The following EIF3B variants were observed in gnomAD, a reference collection of about 807,000 sequenced individuals.
The protein encoded by EIF3B is eukaryotic translation initiation factor 3 subunit 9.
In EIF3B, 10 loss-of-function variants were observed where a neutral mutation model predicts 104.6. The ratio of observed to expected loss-of-function variants is 0.10; its 90% CI spans 0.06 to 0.16. EIF3B has a LOEUF of 0.16. Ranked by LOEUF, EIF3B falls within the 10% of genes least tolerant of loss-of-function variation. EIF3B has a pLI of 1.00. For missense variants in EIF3B, 1,014 were observed against 1,087.9 expected (o/e 0.93, Z 0.96); for synonymous variants, 542 against 417.2 (o/e 1.30, Z -3.65).
chr7:2,370,320 T>C (rs577564224), intron 10 of EIF3B, among the ~76,000 whole-genome samples: 1 of 151,786 alleles, frequency 6.6e-6, no homozygotes, highest in Admixed American at 6.6e-5. Flanking sequence ...CTACTAAAAG[T>C]ACAATAATTA....
At chr7:2,375,666 G>A (rs1206984300) in intron 14 of EIF3B, 139 bp downstream of exon 14, 4 of 1,278,716 alleles carry the variant, frequency 3.1e-6, no homozygotes, top group East Asian at 2.4e-5. Context: ...GCTGGTGTTA[G>A]TGGCAGGAGG....
chr7:2,364,608 A>G, intron 6 of EIF3B, 79 bp downstream of exon 6: 1 of 1,356,244 alleles, frequency 7.4e-7, no homozygotes, highest in Non-Finnish European at 1.0e-6. Flanking sequence ...TTCATTTTGT[A>G]GCATTTCAAA....
rs1240624981 is a variant in EIF3B, at chr7:2,380,207, A to G, written c.*18A>G. On this transcript the variant is annotated 3_prime_UTR_variant, in exon 19 of 19. Transcript: ENST00000360876. ...GCCGCCATGCCTGTCTATCCAGGGGACGGACTCCGCCTGCTGTTCCCGCGC... is the reference window on the plus strand; with the variant it reads ...GCCGCCATGCCTGTCTATCCAGGGGGCGGACTCCGCCTGCTGTTCCCGCGC... The G allele has an allele frequency of 1.1e-5, 4 of 365,116 alleles. No homozygotes were observed. Among genetic ancestry groups the G allele is most frequent in the African/African-American group, 4.3e-5 (2 of 46,980 alleles). The allele number at this position is 365,116 out of a possible 1,614,324, so 22.6% of individuals were successfully genotyped here.
At position 2,354,845 on chromosome 7, in the gene EIF3B, T is replaced by C. The variant is rs11975205; in HGVS notation, c.-77T>C. 55 of 1,054,870 alleles carry C rather than the reference T, an allele frequency of 5.2e-5. No homozygotes were observed. Among genetic ancestry groups the C allele is most frequent in the Non-Finnish European group, 6.3e-5 (55 of 874,538 alleles). The allele number at this position is 1,054,870 out of a possible 1,614,324, so 65.3% of individuals were successfully genotyped here. On this transcript the variant is annotated 5_prime_UTR_variant, in exon 1 of 19. Transcript: ENST00000360876. ...CACGCACATGGCTGGGCTGTAGCCG[T>C]CGCGGCGCGCGGTGCGGCCTGGGAG...
At position 2,358,101 on chromosome 7, in the gene EIF3B, C is replaced by CT. The variant is rs568625097; in HGVS notation, c.500-2598dup. Among the ~76,000 whole-genome samples, 187 of 146,974 alleles carry CT rather than the reference C, an allele frequency of 1.3e-3. 2 individuals carry two copies. The South Asian group carries it at 0.019, about 15-fold the overall frequency. ...TTTAAGGCAGTATTTTCAATATTTCCTTTTTTTTTTTGAGACAGAGTCTCA... is the reference window on the plus strand; with the variant it reads ...TTTAAGGCAGTATTTTCAATATTTCCTTTTTTTTTTTTGAGACAGAGTCTCA... On this transcript the variant is annotated intron_variant, in intron 1 of 18. Transcript: ENST00000360876.
chr7:2,357,765 A>T (rs1266670730), intron 1 of EIF3B, among the ~76,000 whole-genome samples: 2 of 152,192 alleles, frequency 1.3e-5, no homozygotes, highest in African/African-American at 4.8e-5. Flanking sequence ...TTGTGTCTTC[A>T]TGGTGTAGTT....
chr7:2,369,396 T>C, intron 9 of EIF3B, 76 bp from the exon 10 acceptor site: 2 of 1,458,880 alleles, frequency 1.4e-6, no homozygotes, highest in Non-Finnish European at 1.9e-6. Context: ...GCAAATGAGT[T>C]GTTCTATTCT....
At position 2,380,560 on chromosome 7, in the gene EIF3B, C is replaced by T. The variant is rs1008073910; in HGVS notation, c.*371C>T. Reference sequence around the variant, plus strand: ...TCTCCTGCGCCCAGTGATGTTTCCACGGTGCCTGTACACAGCCGAGCAGCA... The same window carrying T: ...TCTCCTGCGCCCAGTGATGTTTCCATGGTGCCTGTACACAGCCGAGCAGCA... On this transcript the variant is annotated 3_prime_UTR_variant, in exon 19 of 19. Transcript: ENST00000360876. The T allele has an allele frequency of 3.9e-5, 15 of 388,136 alleles. No individual in the cohort carries two copies. The highest frequency in any genetic ancestry group is 1.9e-4 in the South Asian group (10 of 52,540). 24.0% of individuals were successfully genotyped at this position (388,136 alleles called of 1,614,324 possible).
Position 2,360,808 on chromosome 7 carries a change from C to G in EIF3B, c.598C>G (p.Leu200Val). Residue 200 changes from leucine (L) to valine (V), a missense_variant, in exon 2 of 19, where the codon CTT becomes GTT. Physicochemically the swap from Leu to Val is conservative, Grantham distance 32. Transcript: ENST00000360876. ...DNVPQVGPDR[L>V]EKLKNVIHKI... ...TGTCCCTCAGGTGGGACCCGACCGA[C>G]TTGAGAAACTCAAAAATGTCATCCA... The G allele has an allele frequency of 6.2e-7, 1 of 1,613,866 alleles. No homozygotes were observed. Among genetic ancestry groups the G allele is most frequent in the Non-Finnish European group, 8.5e-7 (1 of 1,179,758 alleles).
rs1562470715 is a variant in EIF3B, at chr7:2,355,049, C to T, written c.128C>T (p.Pro43Leu). The change falls in exon 1 of 19, where the codon CCG becomes CTG. Residue 43 changes from proline (P) to leucine (L), a missense_variant. Pro to Leu is a moderately conservative substitution (Grantham distance 98). Coordinates refer to ENST00000360876, the MANE Select transcript of EIF3B (RefSeq NM_001037283.2). ...CTGCGGCCCGCGGGGCCCGGCGCTC[C>T]GGAGGCCGCGGGGACCGAGGCCTCC... The part of the protein sequence containing the change: ...GLLRPAGPGA[P>L]EAAGTEASSE... 8.2e-7 allele frequency: 1 copy of T among 1,213,780 alleles called. No individual in the cohort carries two copies. 75.2% of individuals were successfully genotyped at this position (1,213,780 alleles called of 1,614,324 possible). A position where few individuals can be genotyped will look rare whatever the true frequency, so the allele number is the denominator to read the frequency against.
chr7:2,374,613 G>T lies in EIF3B; in HGVS notation c.1889+7G>T, dbSNP rs756342194. 6.2e-7 allele frequency: 1 copy of T among 1,613,520 alleles called. No individual in the cohort carries two copies. Among genetic ancestry groups the T allele is most frequent in the Non-Finnish European group, 8.5e-7 (1 of 1,179,578 alleles). On this transcript the variant is annotated splice_region_variant and intron_variant, in intron 13 of 18. Transcript: ENST00000360876. ...TGTTGGCGGGCCTGAGGAGGTAGGT[G>T]TCTGCGCTCTGAGCCTGTCCGCCCT...
intron 1 of EIF3B, among the ~76,000 whole-genome samples, chr7:2,357,791 T>C (rs915254196): frequency 3.3e-5 from 5 of 152,220 alleles, no homozygotes; most frequent in African/African-American, 1.2e-4. Context: ...ATTTATTTCC[T>C]TCCTACGTGT....
chr7:2,355,671 A>C (rs1246517725), intron 1 of EIF3B, among the ~76,000 whole-genome samples: 1 of 152,172 alleles, frequency 6.6e-6, no homozygotes, highest in African/African-American at 2.4e-5. Flanking sequence ...AGGCATTTGC[A>C]TGACAACCAG....
chr7:2,376,941 CT>C lies in EIF3B; in HGVS notation c.2029-8del, dbSNP rs1780664546. ...CTCTGTGTCCTGGTGTGTCCCTGCC[CT>C]GGCCTAGGTGGACAACGCGTACTGG... On this transcript the variant is annotated splice_polypyrimidine_tract_variant and splice_region_variant and intron_variant, in intron 14 of 18. Transcript: ENST00000360876. 2 of 1,612,510 alleles carry C rather than the reference CT, an allele frequency of 1.2e-6. No homozygotes were observed. Among genetic ancestry groups the C allele is most frequent in the Non-Finnish European group, 1.7e-6 (2 of 1,179,066 alleles).
upstream of EIF3B, among the ~76,000 whole-genome samples, chr7:2,354,563 G>A (rs559214111): frequency 2.7e-4 from 41 of 152,280 alleles, no homozygotes; most frequent in African/African-American, 9.6e-4. Flanking sequence ...GCGTCCGACG[G>A]GAAAGGAAAG....
chr7:2,371,446 G>A (rs1009871449), intron 10 of EIF3B, among the ~76,000 whole-genome samples: 1 of 152,184 alleles, frequency 6.6e-6, no homozygotes, highest in Non-Finnish European at 1.5e-5. Context: ...TGTGCCTTTA[G>A]GGCCCTCAGG....
intron 18 of EIF3B, chr7:2,379,918 G>A (rs888087015): frequency 3.9e-5 from 10 of 256,882 alleles, no homozygotes; most frequent in South Asian, 2.5e-4. Flanking sequence ...CTTCCAAGTC[G>A]GGGGCTGGGG....
chr7:2,370,168 T>C (rs1164324648), intron 10 of EIF3B, among the ~76,000 whole-genome samples: 1 of 152,206 alleles, frequency 6.6e-6, no homozygotes, highest in Non-Finnish European at 1.5e-5. Context: ...CATTTAATAT[T>C]TATTTTATCA....
intron 11 of EIF3B, 133 bp downstream of exon 11, chr7:2,371,982 C>T: frequency 5.6e-6 from 4 of 710,992 alleles, no homozygotes; most frequent in Non-Finnish European, 7.6e-6. Context: ...GAATAGTCAT[C>T]TCCAGGTCAC....
Sources: gnomAD v4.1 joint callset for allele counts (sites outside exome capture counted in the v4.1 genomes callset) on GRCh38, gnomAD v4.1.1 for gene constraint, MANE v1.5 for transcripts, NCBI Gene and HGNC (gene_info 2026-07-23, HGNC 2026-07-21) for gene names.